Variants in PRORP observed in about 807,000 individuals in gnomAD.
PRORP encodes the protein protein only RNase P catalytic subunit, also known as mitochondrial ribonuclease P catalytic subunit.
Under a neutral mutation model 59.4 loss-of-function variants are expected in PRORP, and 51 were observed. The ratio of observed to expected loss-of-function variants is 0.86; its 90% CI spans 0.69 to 1.08. The LOEUF (loss-of-function observed/expected upper bound fraction) is 1.08, where lower values mean the gene tolerates loss of function less well. PRORP is among the 50% of genes least tolerant of loss of function. PRORP has a pLI of 0.00. For missense variants in PRORP, 646 were observed against 690.3 expected (o/e 0.94, Z 0.72); for synonymous variants, 231 against 245.6 (o/e 0.94, Z 0.55).
At chr14:35,142,480 T>C (rs1224741810) in intron 4 of PRORP, among the ~76,000 whole-genome samples, 1 of 141,400 alleles carries the variant, frequency 7.1e-6, no homozygotes, top group African/African-American at 2.5e-5. Context: ...CCCAAGTAGC[T>C]AGGACTTACA....
At chr14:35,251,231 C>CAT (rs985133335) in intron 5 of PRORP, among the ~76,000 whole-genome samples, 24 of 151,904 alleles carry the variant, frequency 1.6e-4, no homozygotes, top group East Asian at 9.6e-4. Flanking sequence ...AGTATTCCAT[C>CAT]ATATATATAT....
At chr14:35,199,857 T>G (rs1456634573) in intron 5 of PRORP, among the ~76,000 whole-genome samples, 1 of 152,202 alleles carries the variant, frequency 6.6e-6, no homozygotes, top group Admixed American at 6.5e-5. Flanking sequence ...GCATGTAAAG[T>G]TACAGAATTA....
At chr14:35,251,499 T>C (rs2050612432) in intron 5 of PRORP, among the ~76,000 whole-genome samples, 1 of 152,184 alleles carries the variant, frequency 6.6e-6, no homozygotes, top group Non-Finnish European at 1.5e-5. Flanking sequence ...TTATCGAAGA[T>C]AATTTCATCT....
chr14:35,168,395 G>A (rs1327707802), intron 4 of PRORP, among the ~76,000 whole-genome samples: 3 of 152,096 alleles, frequency 2.0e-5, no homozygotes, highest in East Asian at 1.9e-4. Flanking sequence ...TTGGACCAAA[G>A]GGAGTTCTTC....
At chr14:35,243,060 C>A (rs2050403154) in intron 5 of PRORP, among the ~76,000 whole-genome samples, 1 of 152,130 alleles carries the variant, frequency 6.6e-6, no homozygotes, top group East Asian at 1.9e-4. Context: ...GAATTTATGT[C>A]TTGTTTATCC....
At chr14:35,209,094 A>C (rs1478149327) in intron 5 of PRORP, among the ~76,000 whole-genome samples, 2 of 152,116 alleles carry the variant, frequency 1.3e-5, no homozygotes, top group Non-Finnish European at 2.9e-5. Flanking sequence ...TGCTCACTTG[A>C]ACCCAGGAGG....
intron 5 of PRORP, chr14:35,235,513 C>A: frequency 1.7e-6 from 1 of 598,280 alleles, no homozygotes; most frequent in East Asian, 3.7e-5. Context: ...CAGTCACCAC[C>A]AGCTGAGCCT....
rs925283923 is a variant in PRORP, at chr14:35,134,738, T to C, written c.1167+7127T>C. On this transcript the variant is annotated intron_variant, in intron 4 of 7. Coordinates refer to ENST00000534898, the MANE Select transcript of PRORP (RefSeq NM_014672.4). ...TGGGTCTGTTTAGGAGACTGTGAGA[T>C]GTGCGGCCTGGGCTTAGGGGAGGTA... Among the ~76,000 whole-genome samples, 17 of 152,246 alleles carry C rather than the reference T, an allele frequency of 1.1e-4. 1 individual carries two copies. The highest frequency in any genetic ancestry group is 3.4e-3 in the Middle Eastern group (1 of 294).
At chr14:35,134,325 T>C (rs948361502) in intron 4 of PRORP, among the ~76,000 whole-genome samples, 47 of 152,214 alleles carry the variant, frequency 3.1e-4, no homozygotes, top group Admixed American at 1.3e-4. Flanking sequence ...CGAAAGGCTC[T>C]TCAGTCAGCT....
intron 4 of PRORP, among the ~76,000 whole-genome samples, chr14:35,156,062 T>G (rs1461007688): frequency 6.6e-6 from 1 of 152,158 alleles, no homozygotes; most frequent in Non-Finnish European, 1.5e-5. Context: ...CATTGTGTGG[T>G]AAAAGCTATA....
intron 5 of PRORP, among the ~76,000 whole-genome samples, chr14:35,249,046 A>T (rs1402380585): frequency 6.6e-6 from 1 of 152,150 alleles, no homozygotes; most frequent in African/African-American, 2.4e-5. Flanking sequence ...TTCATCAATC[A>T]TTGTCTTTTT....
chr14:35,213,319 C>T (rs1016903738), intron 5 of PRORP, among the ~76,000 whole-genome samples: 16 of 152,184 alleles, frequency 1.1e-4, no homozygotes, highest in Middle Eastern at 3.4e-3. Context: ...TCCTATAGTC[C>T]TAGCTTGGAA....
At chr14:35,153,321 G>A (rs1220110060) in intron 4 of PRORP, among the ~76,000 whole-genome samples, 2 of 152,250 alleles carry the variant, frequency 1.3e-5, no homozygotes, top group Non-Finnish European at 2.9e-5. Flanking sequence ...GGAGGTTGCA[G>A]TGAGCCGAGA....
At chr14:35,146,078 G>A (rs533160871) in intron 4 of PRORP, among the ~76,000 whole-genome samples, 3 of 152,004 alleles carry the variant, frequency 2.0e-5, no homozygotes, top group Non-Finnish European at 2.9e-5. Flanking sequence ...TGATCCGCCC[G>A]CCTCGGCCTC....
At chr14:35,236,425 C>A (rs1033746820) in intron 5 of PRORP, among the ~76,000 whole-genome samples, 1 of 152,178 alleles carries the variant, frequency 6.6e-6, no homozygotes, top group Non-Finnish European at 1.5e-5. Context: ...GTATACAATT[C>A]TTTTCTTGCT....
intron 5 of PRORP, among the ~76,000 whole-genome samples, chr14:35,212,874 T>C (rs2049484907): frequency 6.6e-6 from 1 of 152,228 alleles, no homozygotes; most frequent in Non-Finnish European, 1.5e-5. Context: ...TGGCATCTTC[T>C]AATAGAAGGC....
In PRORP at chr14:35,124,084, A is replaced by T; in HGVS notation, c.839A>T (p.Glu280Val). 1 of 1,613,942 alleles carries T rather than the reference A, an allele frequency of 6.2e-7. No individual in the cohort carries two copies. Among genetic ancestry groups the T allele is most frequent in the South Asian group, 1.1e-5 (1 of 91,054 alleles). Residue 280 changes from glutamate to valine, a missense_variant, in exon 2 of 8, where the codon GAA (glutamate) becomes GTA (valine). Glu to Val is a moderately radical substitution (Grantham distance 121, BLOSUM62 -2). Transcript: ENST00000534898. ...LLGHDIVPML[E>V]TLKAFFDFGK... ...GGTCATGATATTGTTCCTATGTTGG[A>T]AACTTTAAAAGCTTTCTTTGATTTT... is the stretch of plus-strand genomic sequence containing the variant.
intron 5 of PRORP, among the ~76,000 whole-genome samples, chr14:35,243,482 G>C (rs2050412040): frequency 6.6e-6 from 1 of 151,400 alleles, no homozygotes; most frequent in Non-Finnish European, 1.5e-5. Flanking sequence ...GCTGCAGTGA[G>C]CCGTGATCAC....
Position 35,190,840 on chromosome 14 carries a change from A to G in PRORP, c.1275+10063A>G, listed in dbSNP as rs559404375. 1.3e-5 allele frequency among the ~76,000 whole-genome samples: 2 copies of G among 152,310 alleles called. 1 individual carries two copies. Among genetic ancestry groups the G allele is most frequent in the African/African-American group, 4.8e-5 (2 of 41,582 alleles). On this transcript the variant is annotated intron_variant, in intron 5 of 7. Transcript: ENST00000534898. The stretch of plus-strand genomic sequence containing the variant: ...AAGTATTAGTTATGGACCCTTACAT[A>G]CTACTTGAGTCAACTTTTATATAGC...
Sources: gnomAD v4.1 joint callset for allele counts (sites outside exome capture counted in the v4.1 genomes callset) on GRCh38, gnomAD v4.1.1 for gene constraint, MANE v1.5 for transcripts, NCBI Gene and HGNC (gene_info 2026-07-23, HGNC 2026-07-21) for gene names.